The following MSI2 variants were observed in gnomAD, a reference collection of about 807,000 sequenced individuals.
The protein encoded by MSI2 is musashi RNA binding protein 2.
In MSI2, 17 loss-of-function variants were observed where a neutral mutation model predicts 45.6. That is an observed-to-expected ratio of 0.37 (90% confidence interval 0.26 to 0.56). The LOEUF is 0.56. Among genes scored for constraint, MSI2 ranks in the 20% least tolerant of loss-of-function variants. The pLI is 0.77. For missense variants in MSI2, 293 were observed against 444.2 expected (o/e 0.66, Z 3.06); for synonymous variants, 156 against 158.2 (o/e 0.99, Z 0.11).
chr17:57,596,929 C>T lies in MSI2; in HGVS notation c.516C>T (p.Phe172=). The T allele has an allele frequency of 6.2e-7, 1 of 1,612,506 alleles. No individual in the cohort carries two copies. Among genetic ancestry groups the T allele is most frequent in the Non-Finnish European group, 8.5e-7 (1 of 1,178,558 alleles). The change falls in exon 8 of 14, where the codon TTC becomes TTT. Residue 172 remains phenylalanine (F), a synonymous_variant. Transcript: ENST00000284073. This position sits in a 1 kb window ranked among gnomAD's most constrained non-coding sequence, Gnocchi z 4.6. ...DVVEKVCEIH[F]HEINNKMVEC... is the part of the protein sequence containing the mutation. The stretch of plus-strand genomic sequence containing the variant: ...TGGAGAAAGTCTGTGAGATTCATTT[C>T]CATGAAATCAATAATAAAATGGTAA...
At chr17:57,650,635 T>G (rs908534621) in intron 10 of MSI2, among the ~76,000 whole-genome samples, 1 of 152,202 alleles carries the variant, frequency 6.6e-6, no homozygotes, top group Non-Finnish European at 1.5e-5. Flanking sequence ...ATCTTTCTTT[T>G]TCCCCCTTCA....
At chr17:57,687,309 AAG>A (rs556764648), downstream of MSI2, among the ~76,000 whole-genome samples, 23 of 152,188 alleles carry the variant, frequency 1.5e-4, no homozygotes, top group South Asian at 3.3e-3. Context: ...ACTAGAAAAA[AAG>A]AAATTGATAA....
At chr17:57,282,823 G>A (rs1598067455) in intron 5 of MSI2, among the ~76,000 whole-genome samples, 1 of 104,028 alleles carries the variant, frequency 9.6e-6, no homozygotes, top group Admixed American at 9.3e-5. Flanking sequence ...GGGTTGGGGG[G>A]TGGGGGGCAG....
intron 6 of MSI2, among the ~76,000 whole-genome samples, chr17:57,497,042 A>G (rs550445262): frequency 2.0e-5 from 3 of 152,154 alleles, no homozygotes; most frequent in Admixed American, 1.3e-4. Flanking sequence ...CGATGGTGCA[A>G]TCTCAGCTCA....
At chr17:57,444,220 C>T (rs768445614) in intron 6 of MSI2, among the ~76,000 whole-genome samples, 2 of 152,208 alleles carry the variant, frequency 1.3e-5, no homozygotes, top group Non-Finnish European at 2.9e-5. Context: ...CCACTGCTCA[C>T]ACAGCGTCTA....
chr17:57,442,789 T>C (rs932781453), intron 6 of MSI2, among the ~76,000 whole-genome samples: 1 of 152,186 alleles, frequency 6.6e-6, no homozygotes, highest in African/African-American at 2.4e-5. Context: ...GAATGGCATC[T>C]CCTGCCGGCA....
chr17:57,566,744 G>T (rs1471536067), intron 7 of MSI2, among the ~76,000 whole-genome samples: 5 of 152,200 alleles, frequency 3.3e-5, no homozygotes, highest in Non-Finnish European at 7.3e-5. Flanking sequence ...AGCTGGGCTT[G>T]CCCGAGAGAC....
intron 6 of MSI2, among the ~76,000 whole-genome samples, chr17:57,505,565 C>T (rs2086209366): frequency 6.6e-6 from 1 of 152,132 alleles, no homozygotes; most frequent in Non-Finnish European, 1.5e-5. Flanking sequence ...GTATTCCTTG[C>T]TTTTAGAAAG....
intron 5 of MSI2, among the ~76,000 whole-genome samples, chr17:57,379,555 T>C (rs2083562948): frequency 6.6e-6 from 1 of 151,960 alleles, no homozygotes; most frequent in African/African-American, 2.4e-5. Context: ...GCATATCCTG[T>C]GTTCAGTTAA....
At chr17:57,520,606 AT>A (rs749320594) in intron 6 of MSI2, among the ~76,000 whole-genome samples, 2 of 152,154 alleles carry the variant, frequency 1.3e-5, no homozygotes, top group Non-Finnish European at 2.9e-5. Flanking sequence ...GATAAATTTT[AT>A]TTTATATATT....
intron 6 of MSI2, among the ~76,000 whole-genome samples, chr17:57,431,410 G>T (rs1318686969): frequency 6.6e-6 from 1 of 152,216 alleles, no homozygotes; most frequent in Non-Finnish European, 1.5e-5. Flanking sequence ...TGAGCTGTTT[G>T]TGTCCTTGCA....
chr17:57,400,036 T>C (rs533579751), intron 5 of MSI2, among the ~76,000 whole-genome samples: 46 of 152,280 alleles, frequency 3.0e-4, no homozygotes, highest in African/African-American at 1.1e-3. Flanking sequence ...TCACATCGAG[T>C]TGCAGTAGAA....
chr17:57,369,263 C>A (rs1027430632), intron 5 of MSI2, among the ~76,000 whole-genome samples: 1 of 152,168 alleles, frequency 6.6e-6, no homozygotes, highest in Admixed American at 6.5e-5. Context: ...CAGCAGGTGT[C>A]ACTGGACACA....
At chr17:57,380,398 T>C (rs1312058949) in intron 5 of MSI2, among the ~76,000 whole-genome samples, 1 of 152,186 alleles carries the variant, frequency 6.6e-6, no homozygotes, top group African/African-American at 2.4e-5. Context: ...CCCCTGGGTT[T>C]CTAAGCGGCG....
At chr17:57,515,348 C>T (rs748663768) in intron 6 of MSI2, among the ~76,000 whole-genome samples, 4 of 152,096 alleles carry the variant, frequency 2.6e-5, no homozygotes, top group African/African-American at 9.7e-5. Context: ...GGATTACAGG[C>T]GCCTGTCACC....
intron 7 of MSI2, among the ~76,000 whole-genome samples, chr17:57,535,103 G>A (rs2086895054): frequency 6.6e-6 from 1 of 152,224 alleles, no homozygotes; most frequent in South Asian, 2.1e-4. Flanking sequence ...CAGCGGGAGG[G>A]AGGAAGGGTG....
intron 5 of MSI2, among the ~76,000 whole-genome samples, chr17:57,328,733 C>CT (rs1294186819): frequency 0.018 from 2,484 of 141,062 alleles, 69 homozygotes; most frequent in African/African-American, 0.06. Flanking sequence ...TTTGAAGAGT[C>CT]TTTTTTTTTT....
chr17:57,274,618 T>C (rs1457553266), intron 5 of MSI2: 3 of 152,234 alleles, frequency 2.0e-5, no homozygotes, highest in African/African-American at 7.2e-5. Flanking sequence ...TCTTCTGCCT[T>C]ACGTATTTTT....
Position 57,652,227 on chromosome 17 carries a change from C to A in MSI2, c.790+66C>A, listed in dbSNP as rs991916344. 1 of 1,452,856 alleles carries A rather than the reference C, an allele frequency of 6.9e-7. No individual in the cohort carries two copies. Among genetic ancestry groups the A allele is most frequent in the African/African-American group, 1.4e-5 (1 of 71,792 alleles). 90.0% of individuals were successfully genotyped at this position (1,452,856 alleles called of 1,614,324 possible). ...CCAGTGTGCAGGGGGAGGTCAAGGC[C>A]CTGTCGGATCTGTGTGGCTGCATCT... On this transcript the variant is annotated intron_variant, in intron 11 of 13. Transcript: ENST00000284073. This position sits in a 1 kb window ranked among gnomAD's most constrained non-coding sequence, Gnocchi z 4.1.
Sources: allele counts gnomAD v4.1 joint callset (sites outside exome capture counted in the v4.1 genomes callset), GRCh38; gene constraint gnomAD v4.1.1; non-coding constraint Gnocchi (gnomAD v3.1); transcripts MANE v1.5; gene names NCBI Gene and HGNC (gene_info 2026-07-23, HGNC 2026-07-21).